Variants in CHST11 observed in about 807,000 individuals in gnomAD.
The protein encoded by CHST11 is C4S-1.
CHST11 carries 9 observed loss-of-function variants against 30.4 expected under a neutral mutation model. That is an observed-to-expected ratio of 0.30 (90% CI 0.18 to 0.52). The LOEUF is 0.52. Ranked by LOEUF, CHST11 falls within the 20% of genes least tolerant of loss-of-function variation. CHST11 has a pLI of 0.97. For synonymous variants in CHST11, 152 were observed against 187.8 expected, an observed-to-expected ratio of 0.81 and a Z score of 1.56; for missense variants, 348 against 460.6, an observed-to-expected ratio of 0.76 and a Z score of 2.24.
chr12:104,627,885 ATTG>A (rs1466378366), intron 2 of CHST11, among the ~76,000 whole-genome samples: 2 of 152,148 alleles, frequency 1.3e-5, no homozygotes, highest in East Asian at 1.9e-4. Context: ...GGTGGTAATT[ATTG>A]TTGTTAACAT....
rs541895820 is a variant in CHST11 at position 104,607,930 on chromosome 12, C to T, written c.204+5939C>T. Among the ~76,000 whole-genome samples the T allele has an allele frequency of 6.1e-4, 93 of 152,278 alleles. No homozygotes were observed. The South Asian group carries it at 0.019, about 31-fold the overall frequency. On this transcript the variant is annotated intron_variant, in intron 2 of 2. Transcript: ENST00000303694. ...GCTTCTCCAGGGCAGGTAATGTCCC[C>T]TTCCAGGCCTCAGCATTGTCATCTA...
chr12:104,538,353 C>A (rs2038257330), intron 1 of CHST11, among the ~76,000 whole-genome samples: 1 of 152,176 alleles, frequency 6.6e-6, no homozygotes, highest in Admixed American at 6.5e-5. Flanking sequence ...GATCTGTTCT[C>A]ATCTCATCCT....
chr12:104,467,364 C>T (rs369503880), intron 1 of CHST11, among the ~76,000 whole-genome samples: 3 of 152,162 alleles, frequency 2.0e-5, no homozygotes, highest in East Asian at 1.9e-4. Flanking sequence ...GTTTCCTTCC[C>T]GGACCCCTTT....
intron 2 of CHST11, among the ~76,000 whole-genome samples, chr12:104,620,399 G>C (rs61741814): frequency 0.029 from 4,449 of 152,264 alleles, 176 homozygotes; most frequent in South Asian, 0.11. Context: ...CACGGTCATG[G>C]GGGAAAGGGA....
At chr12:104,463,717 A>T (rs922661970) in intron 1 of CHST11, among the ~76,000 whole-genome samples, 1 of 152,154 alleles carries the variant, frequency 6.6e-6, no homozygotes, top group African/African-American at 2.4e-5. Flanking sequence ...TATAATATAG[A>T]GGTAATTAGG....
At chr12:104,715,750 G>A (rs1466600643) in intron 2 of CHST11, among the ~76,000 whole-genome samples, 1 of 152,084 alleles carries the variant, frequency 6.6e-6, no homozygotes, top group African/African-American at 2.4e-5. Flanking sequence ...CCCTCCCCCT[G>A]ACAGGAAGCC....
chr12:104,536,792 C>T (rs1238749296), intron 1 of CHST11, among the ~76,000 whole-genome samples: 5 of 152,190 alleles, frequency 3.3e-5, no homozygotes, highest in Non-Finnish European at 7.3e-5. Flanking sequence ...CCCATCTCCC[C>T]TGGTGGTTGT....
intron 2 of CHST11, among the ~76,000 whole-genome samples, chr12:104,740,252 T>A (rs944064539): frequency 1.2e-4 from 19 of 152,232 alleles, no homozygotes; most frequent in Non-Finnish European, 2.6e-4. Context: ...TCACTTCTTT[T>A]TAGTTTTATA....
intron 2 of CHST11, among the ~76,000 whole-genome samples, chr12:104,696,411 C>T (rs1424044732): frequency 7.4e-6 from 1 of 134,784 alleles, no homozygotes; most frequent in African/African-American, 2.8e-5. Flanking sequence ...CTGAGGCGGG[C>T]GGATTACTTG....
At chr12:104,718,993 CA>C (rs2040153445) in intron 2 of CHST11, among the ~76,000 whole-genome samples, 1 of 152,148 alleles carries the variant, frequency 6.6e-6, no homozygotes, top group African/African-American at 2.4e-5. Context: ...CATGGAACCC[CA>C]ATGCATTTCT....
At chr12:104,469,596 T>C (rs2037488975) in intron 1 of CHST11, among the ~76,000 whole-genome samples, 1 of 152,194 alleles carries the variant, frequency 6.6e-6, no homozygotes, top group African/African-American at 2.4e-5. Context: ...TGTCTCCACA[T>C]TGGGCTTGTT....
chr12:104,574,713 G>T (rs1403646570), intron 1 of CHST11, among the ~76,000 whole-genome samples: 2 of 151,652 alleles, frequency 1.3e-5, no homozygotes, highest in Non-Finnish European at 1.5e-5. Context: ...CTGTTGTGGG[G>T]TGGGGGTTGG....
intron 2 of CHST11, among the ~76,000 whole-genome samples, chr12:104,633,850 CATCTT>C (rs2039297020): frequency 6.6e-6 from 1 of 152,184 alleles, no homozygotes; most frequent in East Asian, 1.9e-4. Context: ...CCCACAGCTG[CATCTT>C]CCTGTCCTCT....
chr12:104,726,468 A>G (rs2136129894), intron 2 of CHST11, among the ~76,000 whole-genome samples: 1 of 152,316 alleles, frequency 6.6e-6, no homozygotes, highest in South Asian at 2.1e-4. Flanking sequence ...GAGGCCTGGA[A>G]TTGGTACCTG....
At chr12:104,657,730 C>T (rs773432414) in intron 2 of CHST11, among the ~76,000 whole-genome samples, 9 of 152,166 alleles carry the variant, frequency 5.9e-5, no homozygotes, top group Non-Finnish European at 1.3e-4. Flanking sequence ...GCGCTGGCTA[C>T]CTAGACAGCT....
At chr12:104,707,222 A>G (rs545275663) in intron 2 of CHST11, among the ~76,000 whole-genome samples, 15 of 152,370 alleles carry the variant, frequency 9.8e-5, no homozygotes, top group Admixed American at 1.3e-4. Context: ...CTAGAAAAGT[A>G]GTTGGCACAA....
chr12:104,726,953 T>G (rs971018021), intron 2 of CHST11, among the ~76,000 whole-genome samples: 3 of 152,170 alleles, frequency 2.0e-5, no homozygotes, highest in African/African-American at 7.2e-5. Flanking sequence ...GGGACATGCC[T>G]GGGACTGGTC....
At chr12:104,565,335 T>C (rs2038552895) in intron 1 of CHST11, among the ~76,000 whole-genome samples, 1 of 148,080 alleles carries the variant, frequency 6.8e-6, no homozygotes, top group Non-Finnish European at 1.5e-5. Flanking sequence ...GGCATGATCT[T>C]GGCTCACTGT....
At chr12:104,744,763 C>A (rs959301695) in intron 2 of CHST11, among the ~76,000 whole-genome samples, 5 of 152,172 alleles carry the variant, frequency 3.3e-5, no homozygotes, top group Non-Finnish European at 7.3e-5. Flanking sequence ...TTTAATCCAT[C>A]TTGAGTTAAT....
Sources: allele counts gnomAD v4.1 joint callset (sites outside exome capture counted in the v4.1 genomes callset), GRCh38; gene constraint gnomAD v4.1.1; transcripts MANE v1.5; gene names NCBI Gene and HGNC (gene_info 2026-07-23, HGNC 2026-07-21).